Variants in EML1 observed in about 807,000 individuals in gnomAD.
The protein encoded by EML1 is EMAP like 1.
EML1 carries 27 observed loss-of-function variants against 110.4 expected under a neutral mutation model. The ratio of observed to expected loss-of-function variants is 0.24; its 90% CI spans 0.18 to 0.34. The LOEUF (loss-of-function observed/expected upper bound fraction) is 0.34, where lower values mean the gene tolerates loss of function less well. Among genes scored for constraint, EML1 ranks in the 10% least tolerant of loss-of-function variants. The probability of loss-of-function intolerance (pLI) is 1.00; values close to 1 mark genes in which losing one functional copy is unlikely to be tolerated. For synonymous variants in EML1, 344 were observed against 385.8 expected, an observed-to-expected ratio of 0.89 and a Z score of 1.27; for missense variants, 741 against 1,030.9, an observed-to-expected ratio of 0.72 and a Z score of 3.85.
At chr14:99,883,541 A>AG (rs1305458817) in intron 4 of EML1, 4 of 152,112 alleles carry the variant, frequency 2.6e-5, no homozygotes, top group African/African-American at 9.7e-5. Context: ...CAAAAAAAAA[A>AG]AAAAAAAAAT....
intron 17 of EML1, among the ~76,000 whole-genome samples, chr14:99,927,992 G>A: frequency 6.7e-6 from 1 of 149,174 alleles, no homozygotes; most frequent in Admixed American, 6.6e-5. Context: ...TGGTGGTGAT[G>A]GTGGTGGTGG....
intron 1 of EML1, among the ~76,000 whole-genome samples, chr14:99,738,387 A>C (rs2056995143): frequency 6.6e-6 from 1 of 152,232 alleles, no homozygotes; most frequent in Non-Finnish European, 1.5e-5. Flanking sequence ...GGCAGGCAGA[A>C]GGGCGATCAG....
chr14:99,930,177 A>G (rs2060341240), intron 17 of EML1, among the ~76,000 whole-genome samples: 1 of 152,236 alleles, frequency 6.6e-6, no homozygotes, highest in Non-Finnish European at 1.5e-5. Flanking sequence ...TTAACTGTGC[A>G]GGGGTGCGGG....
intron 6 of EML1, among the ~76,000 whole-genome samples, chr14:99,896,486 A>G (rs17574068): frequency 0.24 from 36,829 of 152,122 alleles, 5,403 homozygotes; most frequent in Non-Finnish European, 0.33. Context: ...AAACGGTTAT[A>G]TCACATCTGG....
intron 4 of EML1, among the ~76,000 whole-genome samples, chr14:99,886,946 A>G (rs142184631): frequency 0.02 from 3,109 of 152,372 alleles, 57 homozygotes; most frequent in Non-Finnish European, 0.033. Flanking sequence ...CCCAAAGTCC[A>G]CAGTGAACAC....
At chr14:99,837,539 G>T (rs1310723332) in intron 1 of EML1, among the ~76,000 whole-genome samples, 1 of 152,170 alleles carries the variant, frequency 6.6e-6, no homozygotes, top group Non-Finnish European at 1.5e-5. Context: ...AACGAATGTG[G>T]ATGGGAGGTT....
chr14:99,875,713 G>A (rs763505813), intron 3 of EML1, among the ~76,000 whole-genome samples: 10 of 152,184 alleles, frequency 6.6e-5, no homozygotes, highest in East Asian at 3.9e-4. Flanking sequence ...AAGACTGGGC[G>A]GAGAATAATC....
At position 99,897,192 on chromosome 14, in the gene EML1, C is replaced by T. The variant is rs746986316; in HGVS notation, c.725C>T (p.Pro242Leu). The change falls in exon 7 of 22, where the codon CCG becomes CTG. Residue 242 changes from proline to leucine, a missense_variant. Pro to Leu is a moderately conservative substitution (Grantham distance 98, BLOSUM62 -3). This residue lies in a region of EML1 where 13 missense variants were observed against 47.2 expected (regional missense o/e 0.28). Coordinates refer to ENST00000262233, the MANE Select transcript of EML1 (RefSeq NM_004434.3). ...TGCCGTAACAACCTGTACTTGCTTCCGACGGGAGAGACCGTCTACTTCATC... is the reference window on the plus strand; with the variant it reads ...TGCCGTAACAACCTGTACTTGCTTCTGACGGGAGAGACCGTCTACTTCATC... ...RDCRNNLYLL[P>L]TGETVYFIAS... 18 of 1,612,798 alleles carry T rather than the reference C, an allele frequency of 1.1e-5. No individual in the cohort carries two copies. Among genetic ancestry groups the T allele is most frequent in the Admixed American group, 1.7e-5 (1 of 59,798 alleles).
At chr14:99,921,575 T>C (rs941078838) in intron 17 of EML1, among the ~76,000 whole-genome samples, 4 of 152,226 alleles carry the variant, frequency 2.6e-5, no homozygotes, top group Non-Finnish European at 5.9e-5. Flanking sequence ...GAACCCCATG[T>C]ACTCATCCGC....
chr14:99,808,623 A>G (rs2058021257), intron 1 of EML1, among the ~76,000 whole-genome samples: 1 of 152,186 alleles, frequency 6.6e-6, no homozygotes, highest in Admixed American at 6.5e-5. Flanking sequence ...ATGCAGGCCA[A>G]CCACGGTGTG....
chr14:99,909,921 C>T (rs2059918638), intron 11 of EML1, among the ~76,000 whole-genome samples: 1 of 152,158 alleles, frequency 6.6e-6, no homozygotes, highest in Non-Finnish European at 1.5e-5. Flanking sequence ...GGTGCTCGGA[C>T]CCTGCCCTTT....
intron 3 of EML1, among the ~76,000 whole-genome samples, chr14:99,873,756 A>G (rs1489702342): frequency 6.6e-6 from 1 of 152,248 alleles, no homozygotes; most frequent in Non-Finnish European, 1.5e-5. Flanking sequence ...ACAGTGAAAG[A>G]TATGAGCATT....
intron 17 of EML1, among the ~76,000 whole-genome samples, chr14:99,934,764 C>T (rs1423351626): frequency 6.6e-6 from 1 of 152,196 alleles, no homozygotes; most frequent in Non-Finnish European, 1.5e-5. Context: ...AAAGTCTGAC[C>T]TTTTCCCGGA....
intron 2 of EML1, among the ~76,000 whole-genome samples, chr14:99,856,432 G>A (rs1449362300): frequency 6.6e-6 from 1 of 152,006 alleles, no homozygotes; most frequent in Admixed American, 6.6e-5. Context: ...TTATTAGGTA[G>A]GTGCAACTGA....
chr14:99,818,186 C>A (rs2058201358), intron 1 of EML1, among the ~76,000 whole-genome samples: 2 of 152,052 alleles, frequency 1.3e-5, no homozygotes, highest in Admixed American at 1.3e-4. Context: ...TGGAGATCCA[C>A]TACAGGAGTT....
intron 1 of EML1, among the ~76,000 whole-genome samples, chr14:99,748,791 T>C (rs1385462737): frequency 6.6e-6 from 1 of 152,088 alleles, no homozygotes; most frequent in Non-Finnish European, 1.5e-5. Context: ...CACGGAAAAA[T>C]CCAATACCCA....
At chr14:99,771,554 A>G (rs1468237122), upstream of EML1, among the ~76,000 whole-genome samples, 3 of 152,206 alleles carry the variant, frequency 2.0e-5, no homozygotes, top group South Asian at 2.1e-4. Context: ...GCTCACGCCT[A>G]TATTCCTAGC....
chr14:99,745,478 A>G (rs1477869536), intron 1 of EML1, among the ~76,000 whole-genome samples: 1 of 152,270 alleles, frequency 6.6e-6, no homozygotes, highest in Non-Finnish European at 1.5e-5. Context: ...GTGGCCACAC[A>G]CATCACACAT....
chr14:99,905,858 A>G lies in EML1; in HGVS notation c.1009-1780A>G, dbSNP rs2059836136. On this transcript the variant is annotated intron_variant, in intron 9 of 21. Transcript: ENST00000262233. This position sits in a 1 kb window ranked among gnomAD's most constrained non-coding sequence, Gnocchi z 4.1. The stretch of plus-strand genomic sequence containing the variant: ...TGCCTTTTATTAAGAGGGGCCTTTA[A>G]CCCACTCTGTCTTAGGAGAGACTCC... Among the ~76,000 whole-genome samples the G allele has an allele frequency of 6.6e-6, 1 of 151,994 alleles. No homozygotes were observed. The highest frequency in any genetic ancestry group is 1.5e-5 in the Non-Finnish European group (1 of 67,970).
Sources: gnomAD v4.1 joint callset for allele counts (sites outside exome capture counted in the v4.1 genomes callset) on GRCh38, gnomAD v4.1.1 for gene constraint, gnomAD v4.1.1 regional missense constraint, Gnocchi (gnomAD v3.1) non-coding constraint, MANE v1.5 for transcripts, NCBI Gene and HGNC (gene_info 2026-07-23, HGNC 2026-07-21) for gene names.